Variants in LARGE1 observed in about 807,000 individuals in gnomAD.
LARGE1 encodes LARGE xylosyl- and glucuronyltransferase 1.
A neutral mutation model predicts 87.6 loss-of-function variants in LARGE1; 43 were observed. The ratio of observed to expected loss-of-function variants is 0.49; its 90% CI spans 0.38 to 0.63. The LOEUF (loss-of-function observed/expected upper bound fraction) is 0.63, where lower values mean the gene tolerates loss of function less well. Ranked by LOEUF, LARGE1 falls within the 30% of genes least tolerant of loss-of-function variation. The pLI, the probability that LARGE1 is intolerant of heterozygous loss-of-function variation, is 0.00. For missense variants in LARGE1, 802 were observed against 1,000.2 expected, an observed-to-expected ratio of 0.80 and a Z score of 2.67; for synonymous variants, 434 against 394.6, an observed-to-expected ratio of 1.10 and a Z score of -1.18.
At chr22:33,418,304 A>G (rs1470113505) in intron 7 of LARGE1, among the ~76,000 whole-genome samples, 1 of 152,154 alleles carries the variant, frequency 6.6e-6, no homozygotes, top group Non-Finnish European at 1.5e-5. Context: ...AGATAATCCA[A>G]GATAAACTCC....
intron 6 of LARGE1, among the ~76,000 whole-genome samples, chr22:33,525,887 T>C (rs1344224481): frequency 6.6e-6 from 1 of 152,322 alleles, no homozygotes; most frequent in East Asian, 1.9e-4. Flanking sequence ...TTCCTCGAAA[T>C]GTTAAACATG....
intron 1 of LARGE1, among the ~76,000 whole-genome samples, chr22:33,871,547 G>C (rs1477960939): frequency 6.6e-6 from 1 of 152,136 alleles, no homozygotes; most frequent in Non-Finnish European, 1.5e-5. Flanking sequence ...AATCTGTCCA[G>C]GTAAATAACA....
intron 1 of LARGE1, among the ~76,000 whole-genome samples, chr22:33,870,526 C>T (rs1475998641): frequency 6.6e-6 from 1 of 151,360 alleles, no homozygotes; most frequent in Non-Finnish European, 1.5e-5. Context: ...CCACAACAAC[C>T]CTAACCCCAC....
At chr22:33,092,616 C>T in the LARGE1 span, among the ~76,000 whole-genome samples, 1 of 151,908 alleles carries the variant, frequency 6.6e-6, no homozygotes, top group Non-Finnish European at 1.5e-5. Flanking sequence ...GTTCTCCCTC[C>T]CCCTACCCCA....
intron 11 of LARGE1, among the ~76,000 whole-genome samples, chr22:33,226,354 A>G (rs191584896): frequency 3.3e-5 from 5 of 152,334 alleles, no homozygotes; most frequent in African/African-American, 1.2e-4. Flanking sequence ...CGAAGTCCCA[A>G]TACACAGCAA....
chr22:33,462,286 A>G (rs2068413110), intron 6 of LARGE1, among the ~76,000 whole-genome samples: 1 of 152,198 alleles, frequency 6.6e-6, no homozygotes, highest in Non-Finnish European at 1.5e-5. Context: ...TTGTAGATCC[A>G]GGAAAAACAC....
At chr22:33,391,052 C>T (rs867916702) in intron 7 of LARGE1, among the ~76,000 whole-genome samples, 2 of 152,086 alleles carry the variant, frequency 1.3e-5, no homozygotes, top group Non-Finnish European at 2.9e-5. Flanking sequence ...AGGCTGCTCT[C>T]GAACTCCTGA....
At chr22:33,570,045 G>A (rs2148815402) in intron 5 of LARGE1, among the ~76,000 whole-genome samples, 1 of 152,278 alleles carries the variant, frequency 6.6e-6, no homozygotes, top group South Asian at 2.1e-4. Flanking sequence ...ATAGTTTGTT[G>A]AGCCCTGAAG....
At position 33,633,243 on chromosome 22, in the gene LARGE1, T is replaced by C. The variant is rs118061884; in HGVS notation, c.409-6917A>G. On this transcript the variant is annotated intron_variant, in intron 3 of 14. Coordinates refer to ENST00000397394, the MANE Select transcript of LARGE1 (RefSeq NM_133642.5). ...ACAGGAGAATGAGAGGCTCCTACCA[T>C]GGCAAGCTGGGTGTCTTTGCATCCC... 4.5e-3 allele frequency among the ~76,000 whole-genome samples: 680 copies of C among 152,210 alleles called. 3 individuals are homozygous for C. The highest frequency in any genetic ancestry group is 7.0e-3 in the Non-Finnish European group (479 of 68,002).
intron 4 of LARGE1, among the ~76,000 whole-genome samples, chr22:33,615,023 G>C (rs570477357): frequency 2.0e-4 from 30 of 152,322 alleles, no homozygotes; most frequent in African/African-American, 6.7e-4. Context: ...AGACACCACA[G>C]TTCTGAGGAG....
At chr22:33,656,500 T>C (rs185772113) in intron 2 of LARGE1, among the ~76,000 whole-genome samples, 5 of 152,230 alleles carry the variant, frequency 3.3e-5, no homozygotes, top group Non-Finnish European at 7.4e-5. Flanking sequence ...CCAAACCGTA[T>C]CAATACTCAA....
At chr22:33,680,276 C>T (rs2081719156) in intron 2 of LARGE1, among the ~76,000 whole-genome samples, 1 of 152,160 alleles carries the variant, frequency 6.6e-6, no homozygotes, top group South Asian at 2.1e-4. Flanking sequence ...GTGTGTATGA[C>T]AAAATCAGTC....
At position 33,593,086 on chromosome 22, in the gene LARGE1, A is replaced by G. The variant is rs535863252; in HGVS notation, c.615+11349T>C. 2.6e-5 allele frequency among the ~76,000 whole-genome samples: 4 copies of G among 152,212 alleles called. No homozygotes were observed. In the East Asian group the frequency reaches 7.7e-4, roughly 29 times the overall value. ...AATCTCTTGACCTTGTGATCCGCCCACCTCGGCCTCCCAAAGTGCTGGGAT... is the reference window on the plus strand; with the variant it reads ...AATCTCTTGACCTTGTGATCCGCCCGCCTCGGCCTCCCAAAGTGCTGGGAT... On this transcript the variant is annotated intron_variant, in intron 5 of 14. Transcript: ENST00000397394.
intron 6 of LARGE1, among the ~76,000 whole-genome samples, chr22:33,481,130 CA>C (rs966357664): frequency 1.5e-4 from 21 of 137,592 alleles, no homozygotes; most frequent in South Asian, 4.7e-4. Context: ...AATTGCCCTG[CA>C]AAAAAAAAAC....
intron 1 of LARGE1, among the ~76,000 whole-genome samples, chr22:33,844,053 TG>T (rs3216427): frequency 0.24 from 35,057 of 144,292 alleles, 4,349 homozygotes; most frequent in East Asian, 0.41. Flanking sequence ...CACTCCAGCC[TG>T]GGTGACAAAA....
chr22:33,824,202 G>T (rs5749674), intron 1 of LARGE1, among the ~76,000 whole-genome samples: 134,837 of 152,206 alleles, frequency 0.89, 59,908 homozygotes, highest in East Asian at 0.97. Context: ...TATTAGTCCA[G>T]TCTCACACTG....
intron 6 of LARGE1, among the ~76,000 whole-genome samples, chr22:33,519,679 G>A (rs369058523): frequency 1.1e-4 from 17 of 152,148 alleles, no homozygotes; most frequent in East Asian, 7.7e-4. Flanking sequence ...CTTCTTAAAA[G>A]CAAGTCTGTC....
the LARGE1 span, among the ~76,000 whole-genome samples, chr22:33,074,326 C>T: frequency 1.0e-3 from 152 of 152,106 alleles, no homozygotes; most frequent in Admixed American, 9.2e-3. Context: ...ATCATGACCG[C>T]AATGTGAGTC....
At chr22:33,408,173 C>T (rs1405059584) in intron 7 of LARGE1, among the ~76,000 whole-genome samples, 1 of 151,888 alleles carries the variant, frequency 6.6e-6, no homozygotes, top group Non-Finnish European at 1.5e-5. Flanking sequence ...TTAACAAAGA[C>T]GGGGTTTTGC....
Sources: allele counts gnomAD v4.1 joint callset (sites outside exome capture counted in the v4.1 genomes callset), GRCh38; gene constraint gnomAD v4.1.1; transcripts MANE v1.5; gene names NCBI Gene and HGNC (gene_info 2026-07-23, HGNC 2026-07-21).